The following GIT2 variants were observed in gnomAD, a reference collection of about 807,000 sequenced individuals.
The protein encoded by GIT2 is GIT ArfGAP 2.
A neutral mutation model predicts 100.3 loss-of-function variants in GIT2; 32 were observed. That is an observed-to-expected ratio of 0.32 (90% CI 0.24 to 0.43). The LOEUF is 0.43. Among genes scored for constraint, GIT2 ranks in the 20% least tolerant of loss-of-function variants. The pLI is 1.00. For synonymous variants in GIT2, 353 were observed against 364.1 expected (o/e 0.97, Z 0.35); for missense variants, 737 against 975.1 (o/e 0.76, Z 3.25).
rs1402318310 is a variant in GIT2, at chr12:109,947,397, G to A, written c.1500C>T (p.Ser500=). 8.1e-6 allele frequency: 13 copies of A among 1,614,044 alleles called. No individual in the cohort carries two copies. The highest frequency in any genetic ancestry group is 3.3e-4 in the Middle Eastern group (2 of 6,084). Residue 500 remains serine (S), a synonymous_variant, in exon 15 of 20, where the codon TCC becomes TCT. Coordinates refer to ENST00000355312, the MANE Select transcript of GIT2 (RefSeq NM_057169.5). This position sits in a 1 kb window ranked among gnomAD's most constrained non-coding sequence, Gnocchi z 4.3. ...SEYTDTSNHS[S]LKRRPSARGS... The stretch of plus-strand genomic sequence containing the variant: ...CCCGGGCAGACGGACGTCTCTTTAA[G>A]GAAGAGTGGTTGGAAGTGTCTGTGT...
At chr12:109,950,254 T>C (rs1877459208) in intron 14 of GIT2, among the ~76,000 whole-genome samples, 2 of 152,334 alleles carry the variant, frequency 1.3e-5, no homozygotes, top group South Asian at 4.1e-4. Flanking sequence ...CAGGCACACA[T>C]GGAGTGTGCC....
At chr12:109,973,161 G>A (rs1418353198) in intron 7 of GIT2, among the ~76,000 whole-genome samples, 1 of 152,078 alleles carries the variant, frequency 6.6e-6, no homozygotes, top group African/African-American at 2.4e-5. Flanking sequence ...TATTATTAGA[G>A]ATGGAGTCTG....
At chr12:109,952,607 T>C (rs1878213110) in intron 13 of GIT2, 2 of 519,360 alleles carry the variant, frequency 3.9e-6, no homozygotes, top group African/African-American at 1.9e-5. Context: ...TCTTTCTGAC[T>C]CCTCCACATG....
intron 7 of GIT2, among the ~76,000 whole-genome samples, chr12:109,975,148 CT>C (rs901742210): frequency 1.3e-5 from 2 of 152,074 alleles, no homozygotes; most frequent in African/African-American, 4.8e-5. Context: ...AACTTATTAC[CT>C]ATATTGTTAT....
chr12:109,980,367 C>A (rs2136756910), intron 7 of GIT2, among the ~76,000 whole-genome samples: 1 of 152,210 alleles, frequency 6.6e-6, no homozygotes, highest in South Asian at 2.1e-4. Flanking sequence ...TTGCACCCGG[C>A]AGAAGCTTTA....
intron 7 of GIT2, among the ~76,000 whole-genome samples, chr12:109,973,341 A>G (rs573367904): frequency 6.6e-6 from 1 of 152,036 alleles, no homozygotes; most frequent in South Asian, 2.1e-4. Flanking sequence ...GAGTTTCACC[A>G]TGTTGGCCAG....
rs577252715 is a variant in GIT2, at chr12:109,936,605, C to T, written c.2003+1775G>A. ...AACTTTGGCCAAGCACGGTGGCTCA[C>T]GCCTGTAATCTCAGCACTTTGAGAG... is the stretch of plus-strand genomic sequence containing the variant. On this transcript the variant is annotated intron_variant, in intron 18 of 19. Transcript: ENST00000355312. Among the ~76,000 whole-genome samples, 4 of 152,312 alleles carry T rather than the reference C, an allele frequency of 2.6e-5. No individual in the cohort carries two copies. The East Asian group carries it at 5.8e-4, about 22-fold the overall frequency.
At chr12:109,973,197 G>A (rs1363120413) in intron 7 of GIT2, among the ~76,000 whole-genome samples, 1 of 152,140 alleles carries the variant, frequency 6.6e-6, no homozygotes, top group African/African-American at 2.4e-5. Flanking sequence ...CTGGAGTGCA[G>A]TTGCACAATC....
At chr12:109,995,779 A>C (rs1593180780) in intron 1 of GIT2, among the ~76,000 whole-genome samples, 2 of 152,242 alleles carry the variant, frequency 1.3e-5, no homozygotes, top group Admixed American at 6.5e-5. Flanking sequence ...CCAGGCGGAG[A>C]AAGGGTCTAG....
In GIT2 at chr12:109,948,118, C is replaced by T. The variant is rs1259091854; in HGVS notation, c.1393-614G>A. The T allele has an allele frequency of 5.3e-6, 5 of 939,866 alleles. No homozygotes were observed. Among genetic ancestry groups the T allele is most frequent in the Non-Finnish European group, 6.3e-6 (5 of 789,194 alleles). 58.2% of individuals were successfully genotyped at this position (939,866 alleles called of 1,614,324 possible). A position where few individuals can be genotyped will look rare whatever the true frequency, so the allele number is the denominator to read the frequency against. On this transcript the variant is annotated intron_variant, in intron 14 of 19. Transcript: ENST00000355312. The surrounding 1 kb of genome is among the most constrained non-coding windows in gnomAD (Gnocchi z 4.3). ...TCTTGATATTCCAAACAATTCAGCA[C>T]TTTGTAAAAAAAAAAAGAAAAAAGA... is the stretch of plus-strand genomic sequence containing the variant.
rs1342565901 is a variant in GIT2 at position 109,996,300 on chromosome 12, C to T, written c.-76G>A. 6 of 1,039,890 alleles carry T rather than the reference C, an allele frequency of 5.8e-6. No individual in the cohort carries two copies. Among genetic ancestry groups the T allele is most frequent in the Non-Finnish European group, 8.4e-6 (6 of 710,504 alleles). The allele number at this position is 1,039,890 out of a possible 1,614,324, so 64.4% of individuals were successfully genotyped here. ...CGGCGGTGGCGGCGGCGCTTCCGCT[C>T]TAACGGGTCCCAGCTGCGGCGGCGC... On this transcript the variant is annotated 5_prime_UTR_variant, in exon 1 of 20. Coordinates refer to ENST00000355312, the MANE Select transcript of GIT2 (RefSeq NM_057169.5).
intron 4 of GIT2, 136 bp from the exon 5 acceptor site, chr12:109,983,830 A>G (rs1391101328): frequency 9.8e-6 from 6 of 614,602 alleles, no homozygotes; most frequent in Non-Finnish European, 1.7e-5. Flanking sequence ...AAGTGCATGG[A>G]CCAGTCTCTC....
intron 6 of GIT2, 133 bp from the exon 7 acceptor site, chr12:109,981,179 G>A (rs975047472): frequency 1.5e-6 from 1 of 672,440 alleles, no homozygotes; most frequent in African/African-American, 1.8e-5. Flanking sequence ...ACCTTCTTGT[G>A]GTAGGTAGAT....
Position 109,936,383 on chromosome 12 carries a change from G to A in GIT2, c.2003+1997C>T, listed in dbSNP as rs149244922. ...GTACCAAGCACCATATTGCATCTTT[G>A]AAGTAGAAATGGCCTCAGGGCAGAT... On this transcript the variant is annotated intron_variant, in intron 18 of 19. Coordinates refer to ENST00000355312, the MANE Select transcript of GIT2 (RefSeq NM_057169.5). Among the ~76,000 whole-genome samples, 146 of 151,864 alleles carry A rather than the reference G, an allele frequency of 9.6e-4. 1 individual carries two copies. Among genetic ancestry groups the A allele is most frequent in the African/African-American group, 3.3e-3 (137 of 41,398 alleles).
At chr12:109,952,101 C>A (rs1274551858) in intron 13 of GIT2, among the ~76,000 whole-genome samples, 1 of 152,200 alleles carries the variant, frequency 6.6e-6, no homozygotes, top group East Asian at 1.9e-4. Context: ...TCCCCTGCAT[C>A]TGCTAATGAC....
intron 18 of GIT2, among the ~76,000 whole-genome samples, chr12:109,936,747 G>A (rs1305495956): frequency 1.3e-5 from 2 of 152,078 alleles, no homozygotes; most frequent in Non-Finnish European, 2.9e-5. Context: ...GCATGCACCT[G>A]TAATCCCAGC....
rs779573904 is a variant in GIT2 at position 109,967,499 on chromosome 12, G to T, written c.723C>A (p.His241Gln). Residue 241 changes from histidine to glutamine, a missense_variant, in exon 8 of 20, where the codon CAC becomes CAA. Coordinates refer to ENST00000355312, the MANE Select transcript of GIT2 (RefSeq NM_057169.5). The stretch of plus-strand genomic sequence containing the variant: ...GTATTATAAAGTGCTGTCCATTTTT[G>T]TGATCTGAAACAGAAACCAAGTCAA... ...AFYLCGRKPD[H>Q]KNGQHFIIPQ... 6.3e-7 allele frequency: 1 copy of T among 1,598,668 alleles called. No individual in the cohort carries two copies. The highest frequency in any genetic ancestry group is 8.6e-7 in the Non-Finnish European group (1 of 1,166,222).
intron 7 of GIT2, among the ~76,000 whole-genome samples, chr12:109,976,371 G>A (rs879382711): frequency 9.0e-5 from 13 of 144,898 alleles, no homozygotes; most frequent in Admixed American, 5.0e-4. Context: ...TACAAGCTCC[G>A]CCTCCCGGGT....
At chr12:109,935,998 AG>A (rs1003635434) in intron 18 of GIT2, among the ~76,000 whole-genome samples, 1 of 152,216 alleles carries the variant, frequency 6.6e-6, no homozygotes, top group Non-Finnish European at 1.5e-5. Context: ...GTGTGAGGGC[AG>A]GAGTGAGGCT....
Sources: allele counts gnomAD v4.1 joint callset (sites outside exome capture counted in the v4.1 genomes callset), GRCh38; gene constraint gnomAD v4.1.1; non-coding constraint Gnocchi (gnomAD v3.1); transcripts MANE v1.5; gene names NCBI Gene and HGNC (gene_info 2026-07-23, HGNC 2026-07-21).